SPHKAP: variants seen among roughly 807,000 people sequenced by gnomAD.
The protein encoded by SPHKAP is SPHK1 interactor, AKAP domain containing, also known as A-kinase anchor protein SPHKAP.
Under a neutral mutation model 137.5 loss-of-function variants are expected in SPHKAP, and 67 were observed. The ratio of observed to expected loss-of-function variants is 0.49; its 90% confidence interval spans 0.40 to 0.60. SPHKAP has a LOEUF of 0.60. Among genes scored for constraint, SPHKAP ranks in the 20% least tolerant of loss-of-function variants. SPHKAP has a pLI of 0.00. For missense variants in SPHKAP, 2,097 were observed against 2,069.3 expected (o/e 1.01, Z -0.26); for synonymous variants, 813 against 785.3 (o/e 1.04, Z -0.59).
chr2:228,125,664 A>G (rs1050894373), intron 2 of SPHKAP, among the ~76,000 whole-genome samples: 1 of 152,206 alleles, frequency 6.6e-6, no homozygotes, highest in African/African-American at 2.4e-5. Context: ...AGAGACTAGG[A>G]AGAATTTTCA....
chr2:227,998,746 G>A lies in SPHKAP; in HGVS notation c.4449-3052C>T, dbSNP rs547082490. ...AAACTGACAGACCATCCCATCTTCC[G>A]GGTTTCCTGCAGGATGTGCCGAGGC... On this transcript the variant is annotated intron_variant, in intron 7 of 11. Transcript: ENST00000392056. Among the ~76,000 whole-genome samples, 8 of 152,260 alleles carry A rather than the reference G, an allele frequency of 5.3e-5. No individual in the cohort carries two copies. In the East Asian group the frequency reaches 7.7e-4, roughly 15 times the overall value.
At position 228,016,754 on chromosome 2, in the gene SPHKAP, G is replaced by A; in HGVS notation, c.4100C>T (p.Ser1367Phe). Residue 1367 changes from serine (S) to phenylalanine (F), a missense_variant, in exon 7 of 12, where the codon TCT (serine) becomes TTT (phenylalanine). Transcript: ENST00000392056. ...CSGPTLLVQE[S>F]LDCPRKDSVT... is the part of the protein sequence containing the mutation. ...AGAGTCTTTCCTCGGGCAATCGAGA[G>A]ACTCCTGAACAAGCAGAGTTGGCCC... The A allele has an allele frequency of 6.2e-7, 1 of 1,614,080 alleles. No individual in the cohort carries two copies. The highest frequency in any genetic ancestry group is 8.5e-7 in the Non-Finnish European group (1 of 1,180,010).
At chr2:228,049,219 T>C (rs1020000803) in intron 3 of SPHKAP, among the ~76,000 whole-genome samples, 1 of 152,256 alleles carries the variant, frequency 6.6e-6, no homozygotes. Flanking sequence ...GTTGTGTTAC[T>C]GTTACTTCTC....
At position 228,008,495 on chromosome 2, in the gene SPHKAP, A is replaced by C. The variant is rs1043396717; in HGVS notation, c.4448+7911T>G. On this transcript the variant is annotated intron_variant, in intron 7 of 11. Transcript: ENST00000392056. ...TTTTTAGTAGAGACAGCATTTCACC[A>C]TGTTGGCCAGGCTGGTCTCAAACTC... 4.6e-5 allele frequency among the ~76,000 whole-genome samples: 7 copies of C among 152,066 alleles called. No individual in the cohort carries two copies. In the East Asian group the frequency reaches 1.4e-3, roughly 29 times the overall value.
In SPHKAP at chr2:228,022,064, G is replaced by A. The variant is rs369663814; in HGVS notation, c.442-98C>T. Reference sequence around the variant, plus strand: ...TTCCACCAAGCTCTCCTGTTAATAGGAGTGGGGACCTTTAAAATATTTGAA... The same window carrying A: ...TTCCACCAAGCTCTCCTGTTAATAGAAGTGGGGACCTTTAAAATATTTGAA... On this transcript the variant is annotated intron_variant, in intron 5 of 11. Coordinates refer to ENST00000392056, the MANE Select transcript of SPHKAP (RefSeq NM_001142644.2). 3,382 of 1,395,632 alleles carry A rather than the reference G, an allele frequency of 2.4e-3. 32 individuals carry two copies. Among genetic ancestry groups the A allele is most frequent in the Middle Eastern group, 0.018 (94 of 5,140 alleles). The allele number at this position is 1,395,632 out of a possible 1,614,324, so 86.5% of individuals were successfully genotyped here. A position where few individuals can be genotyped will look rare whatever the true frequency, so the allele number is the denominator to read the frequency against.
intron 3 of SPHKAP, among the ~76,000 whole-genome samples, chr2:228,035,017 G>C (rs369901702): frequency 4.3e-4 from 65 of 150,446 alleles, no homozygotes; most frequent in Middle Eastern, 3.4e-3. Flanking sequence ...CATAGTGTTG[G>C]AAGTTCTGGC....
At chr2:228,165,544 G>A in intron 1 of SPHKAP, among the ~76,000 whole-genome samples, 1 of 152,118 alleles carries the variant, frequency 6.6e-6, no homozygotes, top group Non-Finnish European at 1.5e-5. Context: ...TTTCTTAGAG[G>A]ACTGAGTTTT....
At chr2:228,116,127 G>A (rs116216093) in intron 2 of SPHKAP, among the ~76,000 whole-genome samples, 1,774 of 152,208 alleles carry the variant, frequency 0.012, 19 homozygotes, top group Non-Finnish European at 0.019. Flanking sequence ...ACAGTTTAAC[G>A]TATTTTGTGA....
At chr2:228,171,448 G>A (rs938526519) in intron 1 of SPHKAP, among the ~76,000 whole-genome samples, 2 of 152,074 alleles carry the variant, frequency 1.3e-5, no homozygotes, top group African/African-American at 4.8e-5. Flanking sequence ...AAAAAGCCAA[G>A]TTTGCCTTTT....
At chr2:228,177,053 A>T (rs74593563) in intron 1 of SPHKAP, among the ~76,000 whole-genome samples, 10,449 of 152,164 alleles carry the variant, frequency 0.069, 1,161 homozygotes, top group African/African-American at 0.24. Context: ...AACAAAATAT[A>T]TCCTAATCAT....
intron 3 of SPHKAP, among the ~76,000 whole-genome samples, chr2:228,093,340 A>G (rs143061083): frequency 1.6e-4 from 24 of 152,362 alleles, no homozygotes; most frequent in African/African-American, 5.5e-4. Flanking sequence ...GCAAATGTTT[A>G]TAACAGTATT....
At chr2:228,132,841 T>C (rs369048956) in intron 1 of SPHKAP, among the ~76,000 whole-genome samples, 2 of 67,418 alleles carry the variant, frequency 3.0e-5, no homozygotes, top group African/African-American at 9.5e-5. Flanking sequence ...CTACTAAAAA[T>C]ACAAAAAAAA....
At chr2:228,174,598 C>T (rs945512215) in intron 1 of SPHKAP, among the ~76,000 whole-genome samples, 16 of 152,166 alleles carry the variant, frequency 1.1e-4, no homozygotes, top group African/African-American at 3.9e-4. Flanking sequence ...CGCTGACTTC[C>T]AGTTTCCATT....
At chr2:228,032,681 G>C (rs765214827) in intron 3 of SPHKAP, among the ~76,000 whole-genome samples, 1 of 152,162 alleles carries the variant, frequency 6.6e-6, no homozygotes, top group Non-Finnish European at 1.5e-5. Flanking sequence ...CTGATCTCTT[G>C]GCAGAAACTC....
chr2:228,104,371 A>T (rs1280544131), intron 3 of SPHKAP, among the ~76,000 whole-genome samples: 1 of 143,360 alleles, frequency 7.0e-6, no homozygotes, highest in African/African-American at 2.6e-5. Flanking sequence ...TATAAATATC[A>T]TTATATTATA....
At chr2:228,123,334 T>C (rs992934435) in intron 2 of SPHKAP, among the ~76,000 whole-genome samples, 2 of 152,194 alleles carry the variant, frequency 1.3e-5, no homozygotes, top group Non-Finnish European at 2.9e-5. Flanking sequence ...CATTCTCTGG[T>C]ATCAGAAATC....
chr2:228,119,322 A>G (rs986729121), intron 2 of SPHKAP, among the ~76,000 whole-genome samples: 5 of 152,190 alleles, frequency 3.3e-5, no homozygotes, highest in African/African-American at 1.2e-4. Context: ...GCTGGGCCAG[A>G]TATTCTTTAA....
At chr2:228,061,634 T>C (rs529309468) in intron 3 of SPHKAP, among the ~76,000 whole-genome samples, 10 of 152,152 alleles carry the variant, frequency 6.6e-5, no homozygotes, top group East Asian at 5.8e-4. Context: ...ACTGGGTAAA[T>C]AGACTTTACG....
chr2:228,026,117 T>A (rs1695026180), intron 4 of SPHKAP, among the ~76,000 whole-genome samples: 1 of 152,288 alleles, frequency 6.6e-6, no homozygotes, highest in Admixed American at 6.5e-5. Context: ...CCACATGAGA[T>A]GTGACTTGCT....
Sources: gnomAD v4.1 joint callset for allele counts (sites outside exome capture counted in the v4.1 genomes callset) on GRCh38, gnomAD v4.1.1 for gene constraint, MANE v1.5 for transcripts, NCBI Gene and HGNC (gene_info 2026-07-23, HGNC 2026-07-21) for gene names.